Variants in HAT1 observed in about 807,000 individuals in gnomAD.
The protein encoded by HAT1 is histone acetyltransferase 1, also known as histone acetyltransferase type B catalytic subunit.
HAT1 carries 20 observed loss-of-function variants against 56.6 expected under a neutral mutation model. The observed-to-expected ratio is 0.35, with a 90% CI of 0.25 to 0.51. The LOEUF (loss-of-function observed/expected upper bound fraction) is 0.51. HAT1 is among the 20% of genes least tolerant of loss of function. HAT1 has a pLI of 0.95. For missense variants in HAT1, 408 were observed against 504.3 expected (o/e 0.81, Z 1.83); for synonymous variants, 146 against 165.5 (o/e 0.88, Z 0.91).
chr2:171,962,600 G>A (rs1324694588), intron 4 of HAT1, among the ~76,000 whole-genome samples: 1 of 152,158 alleles, frequency 6.6e-6, no homozygotes, highest in Admixed American at 6.5e-5. Flanking sequence ...CACCATGTTG[G>A]CCAGGCTGGT....
intron 8 of HAT1, among the ~76,000 whole-genome samples, chr2:171,969,765 G>C (rs4511693): frequency 4.6e-5 from 7 of 152,094 alleles, no homozygotes; most frequent in Non-Finnish European, 1.0e-4. Context: ...GAAAATTTCA[G>C]GTAAAAATGT....
At chr2:171,956,087 G>A (rs528461852) in intron 4 of HAT1, among the ~76,000 whole-genome samples, 26 of 149,764 alleles carry the variant, frequency 1.7e-4, no homozygotes, top group African/African-American at 5.9e-4. Context: ...GAGGCAGGAG[G>A]ATCATTTGAG....
chr2:171,940,052 G>A (rs1037297106), intron 2 of HAT1, among the ~76,000 whole-genome samples: 5 of 152,144 alleles, frequency 3.3e-5, no homozygotes, highest in Admixed American at 2.0e-4. Context: ...TCACAGGCAT[G>A]AACCACTGCG....
intron 2 of HAT1, among the ~76,000 whole-genome samples, chr2:171,937,976 C>T (rs1301260226): frequency 6.7e-6 from 1 of 149,804 alleles, no homozygotes; most frequent in South Asian, 2.1e-4. Context: ...TGCACTGCAG[C>T]CTGGGCAACA....
Position 171,979,344 on chromosome 2 carries a change from G to A in HAT1, c.1073G>A (p.Arg358Lys). Residue 358 changes from arginine (R) to lysine (K), a missense_variant, in exon 10 of 11, where the codon AGA becomes AAA. By Grantham distance (26) the Arg-to-Lys change is conservative. Coordinates refer to ENST00000264108, the MANE Select transcript of HAT1 (RefSeq NM_003642.4). ...YRSYRLDIKR[R>K]LISPYKKKQR... is the part of the protein sequence containing the mutation. ...AGCTACAGACTGGATATTAAAAGAAGACTAATTAGCCCATATAAGGTAGGA... is the reference window on the plus strand; with the variant it reads ...AGCTACAGACTGGATATTAAAAGAAAACTAATTAGCCCATATAAGGTAGGA... The A allele has an allele frequency of 1.9e-6, 3 of 1,551,934 alleles. No homozygotes were observed. Among genetic ancestry groups the A allele is most frequent in the Non-Finnish European group, 8.9e-7 (1 of 1,123,380 alleles).
At chr2:171,934,711 G>T (rs1686824227) in intron 2 of HAT1, among the ~76,000 whole-genome samples, 1 of 151,130 alleles carries the variant, frequency 6.6e-6, no homozygotes, top group Admixed American at 6.6e-5. Flanking sequence ...AGATGAAAGT[G>T]TGCCACAAAG....
intron 2 of HAT1, among the ~76,000 whole-genome samples, chr2:171,939,549 A>G (rs1317006408): frequency 6.6e-6 from 1 of 152,246 alleles, no homozygotes; most frequent in Admixed American, 6.5e-5. Context: ...CAAAAACTTT[A>G]GCCAGTGATC....
At chr2:171,976,404 C>A in intron 9 of HAT1, 96 bp downstream of exon 9, 1 of 597,168 alleles carries the variant, frequency 1.7e-6, no homozygotes, top group Non-Finnish European at 2.6e-6. Flanking sequence ...ATTAAGAATA[C>A]ATGTGTGGGA....
At chr2:171,940,132 G>T (rs1005903024) in intron 2 of HAT1, among the ~76,000 whole-genome samples, 4 of 152,172 alleles carry the variant, frequency 2.6e-5, no homozygotes, top group Non-Finnish European at 5.9e-5. Context: ...CAGCCACTTC[G>T]TCCATGCATA....
At chr2:171,960,017 A>C (rs1687537057) in intron 4 of HAT1, among the ~76,000 whole-genome samples, 1 of 152,156 alleles carries the variant, frequency 6.6e-6, no homozygotes, top group Non-Finnish European at 1.5e-5. Context: ...GTTGAAGGGG[A>C]TGCAAAGCTA....
In HAT1 at chr2:171,946,563, A is replaced by G. The variant is rs146726790; in HGVS notation, c.113-145A>G. ...TCTCTTGAGAATACAGTGTAAATAA[A>G]TCATATAATGGTGAAATGACACTTT... On this transcript the variant is annotated intron_variant, in intron 2 of 10. Transcript: ENST00000264108. 1,054 of 608,190 alleles carry G rather than the reference A, an allele frequency of 1.7e-3. 12 individuals carry two copies. In the East Asian group the frequency reaches 0.018, roughly 10 times the overall value. 37.7% of individuals were successfully genotyped at this position (608,190 alleles called of 1,614,324 possible).
intron 2 of HAT1, among the ~76,000 whole-genome samples, chr2:171,934,790 T>G (rs1010899414): frequency 4.1e-5 from 6 of 147,462 alleles, no homozygotes; most frequent in Non-Finnish European, 9.0e-5. Context: ...AATTTTGGTC[T>G]TGTCATCCGG....
chr2:171,961,890 TG>T (rs1280516775), intron 4 of HAT1, among the ~76,000 whole-genome samples: 3 of 106,544 alleles, frequency 2.8e-5, no homozygotes, highest in African/African-American at 5.4e-5. Context: ...TTCTTTTGCT[TG>T]TTTTTTTTTT....
At chr2:171,979,071 TAATC>T (rs1558982036) in intron 9 of HAT1, among the ~76,000 whole-genome samples, 172 bp from the exon 10 acceptor site, 1 of 152,156 alleles carries the variant, frequency 6.6e-6, no homozygotes, top group African/African-American at 2.4e-5. Flanking sequence ...ATCCATACCA[TAATC>T]ATTTGTGTTA....
chr2:171,947,349 G>C (rs574255381), intron 3 of HAT1, among the ~76,000 whole-genome samples: 1 of 151,948 alleles, frequency 6.6e-6, no homozygotes, highest in African/African-American at 2.4e-5. Flanking sequence ...GAACCTCCTG[G>C]GCATAAGCAG....
intron 8 of HAT1, among the ~76,000 whole-genome samples, chr2:171,974,210 A>AAAAAAAATAAAAAG (rs1687904989): frequency 1.4e-5 from 1 of 72,694 alleles, no homozygotes; most frequent in Non-Finnish European, 3.3e-5. Flanking sequence ...AGAAAAAGAA[A>AAAAAAAATAAAAAG]AAAAAAAAAA....
Position 171,976,299 on chromosome 2 carries a change from A to T in HAT1, c.966A>T (p.Lys322Asn). 1 of 1,562,960 alleles carries T rather than the reference A, an allele frequency of 6.4e-7. No homozygotes were observed. Among genetic ancestry groups the T allele is most frequent in the Non-Finnish European group, 8.7e-7 (1 of 1,150,794 alleles). The change falls in exon 9 of 11, where the codon AAA (lysine) becomes AAT (asparagine). Residue 322 changes from lysine (K) to asparagine (N), a missense_variant. By Grantham distance (94) the Lys-to-Asn change is moderately conservative. Transcript: ENST00000264108. ...TGATAGAGGCACAACAGAAGTTCAA[A>T]ATAAATAAGGTATTTTTATTCTGTA... ...DMVIEAQQKF[K>N]INKQHARRVY...
chr2:171,928,221 T>C (rs1686647487), intron 2 of HAT1, among the ~76,000 whole-genome samples: 1 of 152,204 alleles, frequency 6.6e-6, no homozygotes, highest in African/African-American at 2.4e-5. Flanking sequence ...ATTCGGGTGC[T>C]AAAGCCAAGA....
chr2:171,980,874 T>A (rs2083853), intron 10 of HAT1: 27,282 of 123,014 alleles, frequency 0.22, 3,940 homozygotes, highest in African/African-American at 0.4. Flanking sequence ...AAAAAAAATT[T>A]AAAAAAAAAA....
Sources: gnomAD v4.1 joint callset for allele counts (sites outside exome capture counted in the v4.1 genomes callset) on GRCh38, gnomAD v4.1.1 for gene constraint, MANE v1.5 for transcripts, NCBI Gene and HGNC (gene_info 2026-07-23, HGNC 2026-07-21) for gene names.